The following RHBDL3 variants were observed in gnomAD, a reference collection of about 807,000 sequenced individuals.
The protein encoded by RHBDL3 is rhomboid-related protein 3.
Under a neutral mutation model 48.2 loss-of-function variants are expected in RHBDL3, and 28 were observed. That is an observed-to-expected ratio of 0.58 (90% CI 0.43 to 0.80). The LOEUF is 0.80. Among genes scored for constraint, RHBDL3 ranks in the 30% least tolerant of loss-of-function variants. The probability of loss-of-function intolerance (pLI) is 0.00; values close to 1 mark genes in which losing one functional copy is unlikely to be tolerated. For synonymous variants in RHBDL3, 208 were observed against 232.3 expected (o/e 0.90, Z 0.95); for missense variants, 464 against 542.7 (o/e 0.85, Z 1.44).
At chr17:32,300,226 T>C (rs2040550906) in intron 6 of RHBDL3, among the ~76,000 whole-genome samples, 1 of 152,178 alleles carries the variant, frequency 6.6e-6, no homozygotes, top group Non-Finnish European at 1.5e-5. Flanking sequence ...AGGTGGTCCT[T>C]GTCCTTTTTG....
At chr17:32,283,345 G>A (rs1282090158) in intron 2 of RHBDL3, among the ~76,000 whole-genome samples, 7 of 110,022 alleles carry the variant, frequency 6.4e-5, no homozygotes, top group African/African-American at 2.6e-4. Context: ...TTTTTGAGAT[G>A]GAGTCTCGCT....
rs944987672 is a variant in RHBDL3, at chr17:32,283,541, T to C, written c.136-1118T>C. Among the ~76,000 whole-genome samples, 34 of 151,900 alleles carry C rather than the reference T, an allele frequency of 2.2e-4. 1 individual carries two copies. Among genetic ancestry groups the C allele is most frequent in the Admixed American group, 1.4e-3 (22 of 15,252 alleles). On this transcript the variant is annotated intron_variant, in intron 2 of 8. Transcript: ENST00000269051. ...GGTTTCACCGTGTTAGCCAGGATGGTCTCCATCTCCTGACCTTGTGATCCG... is the reference window on the plus strand; with the variant it reads ...GGTTTCACCGTGTTAGCCAGGATGGCCTCCATCTCCTGACCTTGTGATCCG...
intron 2 of RHBDL3, among the ~76,000 whole-genome samples, chr17:32,283,106 C>A (rs2040098162): frequency 6.6e-6 from 1 of 152,130 alleles, no homozygotes; most frequent in African/African-American, 2.4e-5. Context: ...TCCTCAATGT[C>A]TGTTTGCCTT....
rs546076898 is a variant in RHBDL3 at position 32,290,712 on chromosome 17, A to G, written c.519+1696A>G. Among the ~76,000 whole-genome samples the G allele has an allele frequency of 2.0e-5, 3 of 152,346 alleles. No homozygotes were observed. In the South Asian group the frequency reaches 6.2e-4, roughly 32 times the overall value. ...AAGCAGACCTGAATCTTAAAGAAATAAAAGAATTGGCTGAGTGCAGTGGTT... is the reference window on the plus strand; with the variant it reads ...AAGCAGACCTGAATCTTAAAGAAATGAAAGAATTGGCTGAGTGCAGTGGTT... On this transcript the variant is annotated intron_variant, in intron 4 of 8. Transcript: ENST00000269051.
Position 32,284,683 on chromosome 17 carries a change from A to G in RHBDL3, c.160A>G (p.Ile54Val), listed in dbSNP as rs769334419. ...DQFDPGNTGY[I>V]STGKFRSLLE... is the part of the protein sequence containing the mutation. ...GTTTGACCCTGGGAACACAGGCTACATTAGCACAGGCAAGTTCCGGAGTCT... is the reference window on the plus strand; with the variant it reads ...GTTTGACCCTGGGAACACAGGCTACGTTAGCACAGGCAAGTTCCGGAGTCT... Residue 54 changes from isoleucine (I) to valine (V), a missense_variant, in exon 3 of 9, where the codon ATT (isoleucine) becomes GTT (valine). Physicochemically the swap from Ile to Val is conservative, Grantham distance 29. Coordinates refer to ENST00000269051, the MANE Select transcript of RHBDL3 (RefSeq NM_138328.3). The G allele has an allele frequency of 1.2e-6, 2 of 1,614,184 alleles. No individual in the cohort carries two copies. Among genetic ancestry groups the G allele is most frequent in the South Asian group, 2.2e-5 (2 of 91,078 alleles).
intron 7 of RHBDL3, among the ~76,000 whole-genome samples, chr17:32,310,707 C>T (rs1360792951): frequency 7.7e-6 from 1 of 129,268 alleles, no homozygotes; most frequent in African/African-American, 2.9e-5. Flanking sequence ...ATAGAGACTC[C>T]GTCTAAAAAA....
intron 2 of RHBDL3, among the ~76,000 whole-genome samples, chr17:32,283,538 T>C (rs530259025): frequency 1.6e-4 from 24 of 151,524 alleles, no homozygotes; most frequent in Middle Eastern, 3.4e-3. Flanking sequence ...TTAGCCAGGA[T>C]GGTCTCCATC....
intron 5 of RHBDL3, 116 bp from the exon 6 acceptor site, chr17:32,297,976 G>A (rs1261283229): frequency 2.8e-6 from 2 of 725,628 alleles, no homozygotes; most frequent in Non-Finnish European, 4.9e-6. Context: ...GCAGGCAGAG[G>A]TGGTCTTGTT....
intron 2 of RHBDL3, among the ~76,000 whole-genome samples, chr17:32,283,449 G>C (rs1439751076): frequency 6.8e-6 from 1 of 148,086 alleles, no homozygotes; most frequent in Non-Finnish European, 1.5e-5. Context: ...TCAGCCTCCC[G>C]AGTAGCTGGG....
intron 2 of RHBDL3, among the ~76,000 whole-genome samples, chr17:32,269,516 C>G (rs1432959286): frequency 6.6e-6 from 1 of 152,188 alleles, no homozygotes; most frequent in African/African-American, 2.4e-5. Flanking sequence ...TTGGGGTGAT[C>G]ATCCACATTA....
chr17:32,305,600 A>G lies in RHBDL3; in HGVS notation c.882+159A>G, dbSNP rs9905407. Among the ~76,000 whole-genome samples, 4,921 of 152,164 alleles carry G rather than the reference A, an allele frequency of 0.032. 263 individuals carry two copies. The highest frequency in any genetic ancestry group is 0.11 in the African/African-American group (4,398 of 41,474). Reference sequence around the variant, plus strand: ...CTCACCCTCTGCAGGCCCATTTCAAATGAGCGCCTTCCAGATGCGATTCCT... The same window carrying G: ...CTCACCCTCTGCAGGCCCATTTCAAGTGAGCGCCTTCCAGATGCGATTCCT... On this transcript the variant is annotated intron_variant, in intron 7 of 8. Transcript: ENST00000269051.
At position 32,321,803 on chromosome 17, in the gene RHBDL3, C is replaced by T. The variant is rs1450928386; in HGVS notation, c.*574C>T. ...CCCTCCTGGGCTGGTTGGTGTGCAC[C>T]GGGGCATGATCTGTTGTGCCTGGGT... On this transcript the variant is annotated 3_prime_UTR_variant, in exon 9 of 9. Coordinates refer to ENST00000269051, the MANE Select transcript of RHBDL3 (RefSeq NM_138328.3). The T allele has an allele frequency of 2.5e-5, 5 of 196,250 alleles. No individual in the cohort carries two copies. Among genetic ancestry groups the T allele is most frequent in the South Asian group, 1.0e-4 (1 of 9,682 alleles). The allele number at this position is 196,250 out of a possible 1,614,324, so 12.2% of individuals were successfully genotyped here. A position where few individuals can be genotyped will look rare whatever the true frequency, so the allele number is the denominator to read the frequency against.
At chr17:32,266,876 A>C (rs1172998762) in intron 1 of RHBDL3, among the ~76,000 whole-genome samples, 3 of 151,640 alleles carry the variant, frequency 2.0e-5, no homozygotes, top group Admixed American at 6.6e-5. Flanking sequence ...TGCTCCTAGA[A>C]GGAGGCCCGG....
intron 4 of RHBDL3, 125 bp from the exon 5 acceptor site, chr17:32,294,169 G>T (rs1338557644): frequency 8.3e-6 from 6 of 720,664 alleles, no homozygotes; most frequent in Admixed American, 2.9e-5. Context: ...TGGCTGTGGG[G>T]TATCCCTCTT....
chr17:32,267,388 C>T (rs889514825), intron 1 of RHBDL3, among the ~76,000 whole-genome samples: 13 of 149,566 alleles, frequency 8.7e-5, no homozygotes, highest in Admixed American at 6.0e-4. Context: ...AAACAAAAAA[C>T]TGCAGGCAAA....
intron 2 of RHBDL3, among the ~76,000 whole-genome samples, chr17:32,273,095 G>A (rs1392452938): frequency 6.6e-6 from 1 of 152,166 alleles, no homozygotes; most frequent in African/African-American, 2.4e-5. Context: ...CCACCTCCCG[G>A]GTTCAGGCGA....
At position 32,321,563 on chromosome 17, in the gene RHBDL3, CGGA is replaced by C; in HGVS notation, c.*335_*337del. On this transcript the variant is annotated 3_prime_UTR_variant, in exon 9 of 9. Transcript: ENST00000269051. The stretch of plus-strand genomic sequence containing the variant: ...GCCAGGGGGTGCCCCCTCACTGCTG[CGGA>C]TTGAGCAGCAGCTTCTTCCTCCTCC... 4.3e-6 allele frequency: 2 copies of C among 461,642 alleles called. No homozygotes were observed. Among genetic ancestry groups the C allele is most frequent in the Admixed American group, 3.4e-5 (1 of 29,390 alleles). The allele number at this position is 461,642 out of a possible 1,614,324, so 28.6% of individuals were successfully genotyped here.
At chr17:32,320,896 G>A in intron 8 of RHBDL3, 62 bp from the exon 9 acceptor site, 1 of 1,210,762 alleles carries the variant, frequency 8.3e-7, no homozygotes, top group Non-Finnish European at 1.2e-6. Context: ...GTGATGAAGT[G>A]AAGGCCCTCA....
chr17:32,293,274 T>C (rs1163732959), intron 4 of RHBDL3, among the ~76,000 whole-genome samples: 1 of 151,850 alleles, frequency 6.6e-6, no homozygotes, highest in Non-Finnish European at 1.5e-5. Flanking sequence ...AACATGAATG[T>C]CATTTAATGC....
Sources: gnomAD v4.1 joint callset for allele counts (sites outside exome capture counted in the v4.1 genomes callset) on GRCh38, gnomAD v4.1.1 for gene constraint, MANE v1.5 for transcripts, NCBI Gene and HGNC (gene_info 2026-07-23, HGNC 2026-07-21) for gene names.